Variants in CYLC2 observed in about 807,000 individuals in gnomAD.
The protein encoded by CYLC2 is cylicin 2.
Under a neutral mutation model 26.1 loss-of-function variants are expected in CYLC2, and 30 were observed. That is an observed-to-expected ratio of 1.15 (90% confidence interval 0.86 to 1.56). CYLC2 has a LOEUF of 1.56. Ranked by LOEUF, CYLC2 falls within the 40% of genes most tolerant of loss-of-function variation. CYLC2 has a pLI of 0.00. For synonymous variants in CYLC2, 158 were observed against 132.8 expected (o/e 1.19, Z -1.31); for missense variants, 498 against 394.4 (o/e 1.26, Z -2.23).
intron 6 of CYLC2, among the ~76,000 whole-genome samples, chr9:103,013,360 A>AATATATATTTAATATATTATAT (rs1384396299): frequency 6.5e-5 from 1 of 15,464 alleles, no homozygotes; most frequent in African/African-American, 2.1e-4. Flanking sequence ...TATATTATAT[A>AATATATATTTAATATATTATAT]AATATATATT....
chr9:103,005,288 A>C lies in CYLC2; in HGVS notation c.657A>C (p.Lys219Asn). Residue 219 changes from lysine (K) to asparagine (N), a missense_variant, in exon 5 of 8, where the codon AAA (lysine) becomes AAC (asparagine). Lys to Asn is a moderately conservative substitution (Grantham distance 94). Coordinates refer to ENST00000374798, the MANE Select transcript of CYLC2 (RefSeq NM_001340.5). ...EKGGTEKDSK[K>N]GKKDSKKGKD... ...GAGGTACAGAGAAAGATAGCAAAAA[A>C]GGTAAAAAGGATTCAAAGAAGGGCA... is the stretch of plus-strand genomic sequence containing the variant. 1.9e-6 allele frequency: 3 copies of C among 1,613,796 alleles called. No individual in the cohort carries two copies. The highest frequency in any genetic ancestry group is 1.6e-4 in the Middle Eastern group (1 of 6,062).
In CYLC2 at chr9:103,003,222, A is replaced by C; in HGVS notation, c.139A>C (p.Arg47=). 6.2e-7 allele frequency: 1 copy of C among 1,613,898 alleles called. No homozygotes were observed. The highest frequency in any genetic ancestry group is 2.2e-5 in the East Asian group (1 of 44,838). ...FPKPQRPGTK[R]RSKPSQIRDN... is the part of the protein sequence containing the mutation. ...CAAACCACAACGGCCAGGAACCAAA[A>C]GGAGATCAAAACCTTCTCAAATACG... Residue 47 remains arginine, a synonymous_variant, in exon 3 of 8, where the codon AGG becomes CGG. Coordinates refer to ENST00000374798, the MANE Select transcript of CYLC2 (RefSeq NM_001340.5).
intron 1 of CYLC2, among the ~76,000 whole-genome samples, chr9:103,000,292 A>T (rs1471908985): frequency 6.6e-6 from 1 of 151,966 alleles, no homozygotes; most frequent in Non-Finnish European, 1.5e-5. Flanking sequence ...TTGCTGGGTG[A>T]TTAAATAATA....
At chr9:102,997,827 G>T (rs1384480502) in intron 1 of CYLC2, among the ~76,000 whole-genome samples, 1 of 151,798 alleles carries the variant, frequency 6.6e-6, no homozygotes, top group African/African-American at 2.4e-5. Context: ...ATATAACCCA[G>T]ACTAAAAGGA....
chr9:102,998,175 T>C (rs1476819440), intron 1 of CYLC2, among the ~76,000 whole-genome samples: 1 of 151,946 alleles, frequency 6.6e-6, no homozygotes, highest in Non-Finnish European at 1.5e-5. Context: ...AATTACTGTG[T>C]TTCCTTATAT....
rs769673803 is a variant in CYLC2 at position 103,001,596 on chromosome 9, G to T, written c.36G>T (p.Gly12=). Residue 12 remains glycine, a synonymous_variant, in exon 2 of 8, where the codon GGG becomes GGT. Coordinates refer to ENST00000374798, the MANE Select transcript of CYLC2 (RefSeq NM_001340.5). The part of the protein sequence containing the change: ...SLPRFQRVNF[G]PYDNYIPVSE... ...TTAATAGCCAAAGAGTAAACTTTGG[G>T]CCATATGATAATTACATTCCAGGTA... The T allele has an allele frequency of 1.9e-6, 3 of 1,558,354 alleles. No homozygotes were observed. In the East Asian group the frequency reaches 6.8e-5, roughly 35 times the overall value.
Position 103,005,071 on chromosome 9 carries a change from T to C in CYLC2, c.440T>C (p.Ile147Thr). 2 of 1,604,118 alleles carry C rather than the reference T, an allele frequency of 1.2e-6. No homozygotes were observed. Among genetic ancestry groups the C allele is most frequent in the Non-Finnish European group, 8.5e-7 (1 of 1,176,940 alleles). ...AAAGATTCAAAGAAAGGCAAGGATA[T>C]AGAGAAAGGAAAAGAAGAAAAGCTA... Reference protein sequence around the residue: ...GKKDSKKGKDIEKGKEEKLDA... With the variant: ...GKKDSKKGKDTEKGKEEKLDA... Residue 147 changes from isoleucine to threonine, a missense_variant, in exon 5 of 8, where the codon ATA becomes ACA. Transcript: ENST00000374798.
In CYLC2 at chr9:103,005,735, A is replaced by G. The variant is rs1190376387; in HGVS notation, c.*57A>G. ...ATTCAAAAGCATATTTGATGAAACA[A>G]TAGTGGTAGTCTGCAGCTGAATTTG... On this transcript the variant is annotated 3_prime_UTR_variant, in exon 5 of 8. Coordinates refer to ENST00000374798, the MANE Select transcript of CYLC2 (RefSeq NM_001340.5). 2.6e-6 allele frequency: 4 copies of G among 1,522,324 alleles called. No homozygotes were observed. The highest frequency in any genetic ancestry group is 3.5e-6 in the Non-Finnish European group (4 of 1,133,112). The allele number at this position is 1,522,324 out of a possible 1,614,324, so 94.3% of individuals were successfully genotyped here. A position where few individuals can be genotyped will look rare whatever the true frequency, so the allele number is the denominator to read the frequency against.
intron 6 of CYLC2, among the ~76,000 whole-genome samples, chr9:103,013,209 T>C (rs1332188739): frequency 5.4e-5 from 2 of 36,918 alleles, no homozygotes; most frequent in African/African-American, 9.2e-5. Context: ...ATTAATGTTA[T>C]ATATTAATAT....
chr9:103,003,107 A>G, intron 2 of CYLC2, 35 bp from the exon 3 acceptor site: 1 of 1,609,652 alleles, frequency 6.2e-7, no homozygotes, highest in Non-Finnish European at 8.5e-7. Flanking sequence ...AATTCTATTC[A>G]CTCCAAAATG....
chr9:103,016,411 G>A (rs1304762798), intron 6 of CYLC2, among the ~76,000 whole-genome samples: 1 of 151,982 alleles, frequency 6.6e-6, no homozygotes, highest in African/African-American at 2.4e-5. Context: ...TATGCCTGCT[G>A]CTCTTTCTAG....
chr9:102,997,291 T>C (rs1829247722), intron 1 of CYLC2, among the ~76,000 whole-genome samples: 2 of 151,978 alleles, frequency 1.3e-5, no homozygotes, highest in Non-Finnish European at 2.9e-5. Flanking sequence ...ACCAACTAGA[T>C]GCTAGTATCA....
chr9:103,003,386 G>A (rs113594582), intron 3 of CYLC2, 123 bp downstream of exon 3: 5 of 854,894 alleles, frequency 5.8e-6, no homozygotes, highest in African/African-American at 1.7e-5. Context: ...GTGAAATCAT[G>A]TATAGTTGTA....
intron 1 of CYLC2, among the ~76,000 whole-genome samples, chr9:102,999,405 TACCCAACTGTATCCTCTACAAATA>T (rs1829266942): frequency 6.6e-6 from 1 of 151,868 alleles, no homozygotes; most frequent in Non-Finnish European, 1.5e-5. Flanking sequence ...ATATCATATT[TACCCAACTGTATCCTCTACAAATA>T]AAGACAATTT....
rs775702811 is a variant in CYLC2, at chr9:103,005,403, A to C, written c.772A>C (p.Lys258Gln). 2.5e-6 allele frequency: 4 copies of C among 1,613,884 alleles called. No individual in the cohort carries two copies. In the Admixed American group the frequency reaches 6.7e-5, roughly 27 times the overall value. Residue 258 changes from lysine to glutamine, a missense_variant, in exon 5 of 8, where the codon AAG becomes CAG. By Grantham distance (53) the Lys-to-Gln change is moderately conservative. Coordinates refer to ENST00000374798, the MANE Select transcript of CYLC2 (RefSeq NM_001340.5). ...KKDANKGDES[K>Q]DAKKDAKEIK... ...AGATGCAAACAAAGGTGATGAATCG[A>C]AGGATGCCAAGAAAGATGCAAAGGA...
intron 6 of CYLC2, among the ~76,000 whole-genome samples, chr9:103,014,404 G>T (rs1439206029): frequency 2.3e-5 from 2 of 85,128 alleles, no homozygotes; most frequent in African/African-American, 4.1e-5. Flanking sequence ...CATAATGTAT[G>T]TTACGTAATG....
chr9:103,010,609 A>G (rs1829396851), intron 5 of CYLC2: 1 of 152,224 alleles, frequency 6.6e-6, no homozygotes, highest in East Asian at 1.9e-4. Context: ...CTTTAGCACC[A>G]CAGGTTCAGT....
At chr9:103,014,105 TAATA>T (rs200588835) in intron 6 of CYLC2, among the ~76,000 whole-genome samples, 1,730 of 120,268 alleles carry the variant, frequency 0.014, 58 homozygotes, top group Admixed American at 0.077. Flanking sequence ...AAATTAAATA[TAATA>T]AATATATTTT....
Position 103,006,091 on chromosome 9 carries a change from G to T in CYLC2, c.*413G>T, listed in dbSNP as rs1472277262. ...ACACACAGTTTAATGAAGGCTTAAAGAATCCAAGGAGACAGATGTTGTATC... is the reference window on the plus strand; with the variant it reads ...ACACACAGTTTAATGAAGGCTTAAATAATCCAAGGAGACAGATGTTGTATC... On this transcript the variant is annotated 3_prime_UTR_variant, in exon 5 of 8. Transcript: ENST00000374798. 7.2e-6 allele frequency: 1 copy of T among 139,694 alleles called. No homozygotes were observed. The highest frequency in any genetic ancestry group is 2.0e-4 in the East Asian group (1 of 5,046). 8.7% of individuals were successfully genotyped at this position (139,694 alleles called of 1,614,324 possible).
Sources: allele counts gnomAD v4.1 joint callset (sites outside exome capture counted in the v4.1 genomes callset), GRCh38; gene constraint gnomAD v4.1.1; transcripts MANE v1.5; gene names NCBI Gene and HGNC (gene_info 2026-07-23, HGNC 2026-07-21).